PTPRM: variants seen among roughly 807,000 people sequenced by gnomAD.
PTPRM encodes protein tyrosine phosphatase receptor type M.
Under a neutral mutation model 186.7 loss-of-function variants are expected in PTPRM, and 47 were observed. The observed-to-expected ratio is 0.25, with a 90% CI of 0.20 to 0.32. The LOEUF (loss-of-function observed/expected upper bound fraction) is 0.32. Among genes scored for constraint, PTPRM ranks in the 10% least tolerant of loss-of-function variants. The pLI, the probability that PTPRM is intolerant of heterozygous loss-of-function variation, is 1.00. For missense variants in PTPRM, 1,494 were observed against 1,865.0 expected (o/e 0.80, Z 3.66); for synonymous variants, 668 against 674.9 (o/e 0.99, Z 0.16).
chr18:8,337,738 C>T (rs776345757), intron 22 of PTPRM, among the ~76,000 whole-genome samples: 35 of 152,116 alleles, frequency 2.3e-4, no homozygotes, highest in Non-Finnish European at 5.1e-4. Flanking sequence ...GATGTGCAGG[C>T]TTTAAGTGAC....
chr18:7,994,182 T>G (rs1480315322), intron 7 of PTPRM, among the ~76,000 whole-genome samples: 1 of 151,632 alleles, frequency 6.6e-6, no homozygotes, highest in Non-Finnish European at 1.5e-5. Flanking sequence ...TTAGACAAAC[T>G]AGAACTTTAA....
intron 7 of PTPRM, among the ~76,000 whole-genome samples, chr18:7,970,623 AAATC>A (rs2054456879): frequency 1.1e-5 from 1 of 91,132 alleles, no homozygotes; most frequent in African/African-American, 5.3e-5. Context: ...TCAGGATACA[AAATC>A]AATGTACAAA....
At chr18:8,223,336 A>G (rs933406619) in intron 14 of PTPRM, among the ~76,000 whole-genome samples, 2 of 152,368 alleles carry the variant, frequency 1.3e-5, no homozygotes, top group East Asian at 1.9e-4. Context: ...CTTGTGTCTT[A>G]TCAAAATGAA....
intron 13 of PTPRM, among the ~76,000 whole-genome samples, chr18:8,120,586 C>A (rs2092135168): frequency 6.6e-6 from 1 of 151,012 alleles, no homozygotes; most frequent in Non-Finnish European, 1.5e-5. Context: ...ACCTCTGCCT[C>A]CTGTGTTCAA....
chr18:8,207,406 C>T (rs764017840), intron 14 of PTPRM, among the ~76,000 whole-genome samples: 3 of 152,184 alleles, frequency 2.0e-5, no homozygotes, highest in Admixed American at 1.3e-4. Context: ...TTGATGGTCA[C>T]GGGATTATAT....
intron 5 of PTPRM, among the ~76,000 whole-genome samples, chr18:7,946,312 G>T (rs2052520927): frequency 6.6e-6 from 1 of 152,310 alleles, no homozygotes; most frequent in Admixed American, 6.5e-5. Flanking sequence ...TATTACAAAA[G>T]GATATTATTA....
At chr18:7,888,417 C>A in intron 3 of PTPRM, 40 bp downstream of exon 3, 2 of 1,518,130 alleles carry the variant, frequency 1.3e-6, no homozygotes, top group Non-Finnish European at 1.8e-6. Flanking sequence ...GAAGCATCCT[C>A]TAATTTCTAA....
chr18:7,884,924 C>CAAAAAAAAAAAAAAAAAAAAAAAAA (rs56724615), intron 2 of PTPRM, among the ~76,000 whole-genome samples: 1 of 37,850 alleles, frequency 2.6e-5, no homozygotes, highest in Non-Finnish European at 4.8e-5. Flanking sequence ...AGCTCCATCT[C>CAAAAAAAAAAAAAAAAAAAAAAAAA]AAAAAAAAAA....
At chr18:7,738,311 T>C (rs2040814057) in intron 1 of PTPRM, among the ~76,000 whole-genome samples, 1 of 152,262 alleles carries the variant, frequency 6.6e-6, no homozygotes, top group African/African-American at 2.4e-5. Flanking sequence ...TTCTGCATTC[T>C]GCTGGTTGTG....
chr18:8,186,109 C>T (rs945013105), intron 14 of PTPRM, among the ~76,000 whole-genome samples: 1 of 151,968 alleles, frequency 6.6e-6, no homozygotes, highest in Admixed American at 6.6e-5. Flanking sequence ...AGGCAGATCA[C>T]GAGGTCAAGA....
At chr18:8,359,031 G>A (rs1018898866) in intron 23 of PTPRM, among the ~76,000 whole-genome samples, 4 of 152,192 alleles carry the variant, frequency 2.6e-5, no homozygotes, top group African/African-American at 9.7e-5. Flanking sequence ...TCTACATTTA[G>A]CCTACCCAAT....
At chr18:8,290,245 C>T (rs2095027868) in intron 19 of PTPRM, among the ~76,000 whole-genome samples, 1 of 152,258 alleles carries the variant, frequency 6.6e-6, no homozygotes, top group South Asian at 2.1e-4. Context: ...ATTTTACATG[C>T]ACAATTTTAT....
At chr18:8,043,282 G>A (rs1027980091) in intron 7 of PTPRM, among the ~76,000 whole-genome samples, 3 of 152,246 alleles carry the variant, frequency 2.0e-5, no homozygotes, top group Non-Finnish European at 2.9e-5. Flanking sequence ...AGTATGTGCC[G>A]CAGATTCTAG....
intron 1 of PTPRM, among the ~76,000 whole-genome samples, chr18:7,748,343 G>T (rs1005325070): frequency 2.0e-5 from 3 of 152,208 alleles, no homozygotes; most frequent in Admixed American, 6.5e-5. Context: ...TAGACAGTGG[G>T]GTAAATGTGG....
chr18:8,038,160 C>G (rs1485716548), intron 7 of PTPRM, among the ~76,000 whole-genome samples: 1 of 152,132 alleles, frequency 6.6e-6, no homozygotes, highest in Non-Finnish European at 1.5e-5. Flanking sequence ...CTATCTCTGT[C>G]TTCCACTGGA....
At chr18:7,977,804 T>C (rs1197206817) in intron 7 of PTPRM, among the ~76,000 whole-genome samples, 1 of 152,160 alleles carries the variant, frequency 6.6e-6, no homozygotes, top group East Asian at 1.9e-4. Flanking sequence ...TACAGTTCTA[T>C]GTCTCTGGCC....
chr18:8,011,124 C>T (rs1344662671), intron 7 of PTPRM, among the ~76,000 whole-genome samples: 1 of 152,162 alleles, frequency 6.6e-6, no homozygotes, highest in Non-Finnish European at 1.5e-5. Flanking sequence ...ACAGAACAGG[C>T]TTTCCCAAAA....
intron 13 of PTPRM, among the ~76,000 whole-genome samples, chr18:8,141,563 C>G (rs958477697): frequency 6.6e-6 from 1 of 152,186 alleles, no homozygotes; most frequent in Non-Finnish European, 1.5e-5. Flanking sequence ...GAGCCAGACC[C>G]TCCTCTACTG....
At chr18:8,146,500 T>G (rs2092890090) in intron 14 of PTPRM, among the ~76,000 whole-genome samples, 1 of 3,954 alleles carries the variant, frequency 2.5e-4, no homozygotes, top group South Asian at 0.036. Flanking sequence ...TTAATGGGAT[T>G]GTTTTTTTTT....
Sources: allele counts gnomAD v4.1 joint callset (sites outside exome capture counted in the v4.1 genomes callset), GRCh38; gene constraint gnomAD v4.1.1; transcripts MANE v1.5; gene names NCBI Gene and HGNC (gene_info 2026-07-23, HGNC 2026-07-21).